The following ITGB3BP variants were observed in gnomAD, a reference collection of about 807,000 sequenced individuals.
The protein encoded by ITGB3BP is centromere protein R.
In ITGB3BP, 27 loss-of-function variants were observed where a neutral mutation model predicts 29.1. The observed-to-expected ratio is 0.93, with a 90% CI of 0.68 to 1.28. ITGB3BP has a LOEUF of 1.28. Ranked by LOEUF, ITGB3BP falls within the 50% of genes most tolerant of loss-of-function variation. The pLI, the probability that ITGB3BP is intolerant of heterozygous loss-of-function variation, is 0.00. For missense variants in ITGB3BP, 192 were observed against 200.2 expected (o/e 0.96, Z 0.25); for synonymous variants, 61 against 61.4 (o/e 0.99, Z 0.03).
At chr1:63,512,600 C>G (rs1253166197) in intron 1 of ITGB3BP, among the ~76,000 whole-genome samples, 1 of 152,024 alleles carries the variant, frequency 6.6e-6, no homozygotes, top group African/African-American at 2.4e-5. Flanking sequence ...ACTCAGGGAG[C>G]CTTCATGCTA....
At chr1:63,448,134 A>T (rs370109937) in intron 7 of ITGB3BP, among the ~76,000 whole-genome samples, 3,274 of 135,934 alleles carry the variant, frequency 0.024, 60 homozygotes, top group Non-Finnish European at 0.036. Context: ...AACAATGAGA[A>T]CACATGGACA....
chr1:63,487,981 G>GTTA (rs1645563773), intron 3 of ITGB3BP, among the ~76,000 whole-genome samples: 2 of 152,232 alleles, frequency 1.3e-5, no homozygotes, highest in Admixed American at 1.3e-4. Flanking sequence ...TGACTGAAAT[G>GTTA]TTATTATGTG....
chr1:63,472,756 CAG>C (rs893270797), intron 4 of ITGB3BP, among the ~76,000 whole-genome samples: 6 of 151,600 alleles, frequency 4.0e-5, no homozygotes, highest in African/African-American at 1.2e-4. Flanking sequence ...GGATTGCAGA[CAG>C]AGTCTCGTTC....
In ITGB3BP at chr1:63,504,046, G is replaced by A. The variant is rs1360225177; in HGVS notation, c.48+4482C>T. ...TTAAAGTAGTTTTTTCCAATTCTGT[G>A]AAGAAAGTCATTGGTAGCTTGATGG... is the stretch of plus-strand genomic sequence containing the variant. On this transcript the variant is annotated intron_variant, in intron 2 of 8. Transcript: ENST00000271002. Among the ~76,000 whole-genome samples the A allele has an allele frequency of 3.3e-5, 5 of 151,876 alleles. No homozygotes were observed. In the East Asian group the frequency reaches 9.7e-4, roughly 29 times the overall value.
At chr1:63,461,851 A>T (rs1181097636) in intron 4 of ITGB3BP, among the ~76,000 whole-genome samples, 2 of 152,236 alleles carry the variant, frequency 1.3e-5, no homozygotes, top group East Asian at 3.8e-4. Context: ...CCAGTGCCAT[A>T]CTGTTTTGAT....
chr1:63,514,984 T>G (rs1646282637), intron 1 of ITGB3BP, among the ~76,000 whole-genome samples: 1 of 152,030 alleles, frequency 6.6e-6, no homozygotes, highest in South Asian at 2.1e-4. Flanking sequence ...AAAATTTACT[T>G]TTTTTAACGG....
At chr1:63,471,600 T>C (rs1253586795) in intron 4 of ITGB3BP, among the ~76,000 whole-genome samples, 4 of 152,140 alleles carry the variant, frequency 2.6e-5, no homozygotes, top group Non-Finnish European at 4.4e-5. Context: ...CCAATCCACC[T>C]GGAATTGATT....
chr1:63,440,832 T>C lies in ITGB3BP; in HGVS notation c.*273A>G, dbSNP rs1415304182. On this transcript the variant is annotated 3_prime_UTR_variant, in exon 9 of 9. Transcript: ENST00000271002. ...AATGCTAAAAGTCCACAGAAGTGTA[T>C]GTGGTACAGAATATAAGTCAAGATC... 3 of 152,652 alleles carry C rather than the reference T, an allele frequency of 2.0e-5. No homozygotes were observed. Among genetic ancestry groups the C allele is most frequent in the Non-Finnish European group, 4.4e-5 (3 of 68,044 alleles). 9.5% of individuals were successfully genotyped at this position (152,652 alleles called of 1,614,324 possible).
At chr1:63,487,939 G>A (rs901717404) in intron 3 of ITGB3BP, among the ~76,000 whole-genome samples, 1 of 152,040 alleles carries the variant, frequency 6.6e-6, no homozygotes, top group African/African-American at 2.4e-5. Context: ...TTATAATCTT[G>A]GGGGACCCCT....
intron 4 of ITGB3BP, among the ~76,000 whole-genome samples, chr1:63,468,718 A>G (rs139357673): frequency 0.012 from 1,890 of 151,704 alleles, 31 homozygotes; most frequent in African/African-American, 0.043. Flanking sequence ...AAAATTAGCC[A>G]GGCGTGGTTG....
At chr1:63,444,723 C>G (rs953269061) in intron 8 of ITGB3BP, among the ~76,000 whole-genome samples, 1 of 150,144 alleles carries the variant, frequency 6.7e-6, no homozygotes, top group Admixed American at 6.7e-5. Flanking sequence ...CCTTACTTAA[C>G]AGGATATAAA....
intron 2 of ITGB3BP, among the ~76,000 whole-genome samples, chr1:63,505,579 C>G (rs1001981345): frequency 1.3e-5 from 2 of 152,016 alleles, no homozygotes; most frequent in Non-Finnish European, 2.9e-5. Flanking sequence ...GCTCTTGCTT[C>G]TCTAGTTCTT....
intron 2 of ITGB3BP, among the ~76,000 whole-genome samples, chr1:63,493,441 CAAA>C (rs1248106317): frequency 2.2e-4 from 33 of 151,744 alleles, no homozygotes; most frequent in Non-Finnish European, 4.0e-4. Context: ...AACAAACAAA[CAAA>C]CAAACAAACA....
chr1:63,521,775 C>T (rs1288146038), intron 1 of ITGB3BP, among the ~76,000 whole-genome samples: 2 of 152,092 alleles, frequency 1.3e-5, no homozygotes, highest in African/African-American at 4.8e-5. Context: ...GAGCCAGACT[C>T]TGCCTCAAAA....
intron 7 of ITGB3BP, among the ~76,000 whole-genome samples, chr1:63,453,315 A>C (rs1031342552): frequency 2.0e-5 from 3 of 152,182 alleles, no homozygotes; most frequent in African/African-American, 7.2e-5. Context: ...AAATTGCTAA[A>C]TGGCATTCAT....
At chr1:63,487,510 G>A (rs972797990) in intron 3 of ITGB3BP, among the ~76,000 whole-genome samples, 6 of 152,024 alleles carry the variant, frequency 3.9e-5, no homozygotes, top group Admixed American at 3.3e-4. Context: ...TGCAAACATC[G>A]TAGGTGTGCT....
At chr1:63,477,842 A>C (rs975063823) in intron 4 of ITGB3BP, among the ~76,000 whole-genome samples, 2 of 152,170 alleles carry the variant, frequency 1.3e-5, no homozygotes, top group African/African-American at 4.8e-5. Context: ...AGCTAAACAT[A>C]TGCACTACTT....
intron 2 of ITGB3BP, among the ~76,000 whole-genome samples, chr1:63,498,082 A>G (rs1645834905): frequency 6.6e-6 from 1 of 152,228 alleles, no homozygotes; most frequent in African/African-American, 2.4e-5. Flanking sequence ...ATTGGAAGGG[A>G]GAGATTGAAA....
At chr1:63,490,058 A>T in intron 3 of ITGB3BP, 25 bp downstream of exon 3, 3 of 1,597,196 alleles carry the variant, frequency 1.9e-6, no homozygotes, top group South Asian at 1.1e-5. Flanking sequence ...ACCTTACAAT[A>T]AGTAGAAAAG....
Sources: gnomAD v4.1 joint callset for allele counts (sites outside exome capture counted in the v4.1 genomes callset) on GRCh38, gnomAD v4.1.1 for gene constraint, MANE v1.5 for transcripts, NCBI Gene and HGNC (gene_info 2026-07-23, HGNC 2026-07-21) for gene names.